ZNF155: variants seen among roughly 807,000 people sequenced by gnomAD.
ZNF155 encodes the protein zinc finger protein 155, also known as KRAB A domain.
In ZNF155, 15 loss-of-function variants were observed where a neutral mutation model predicts 11.9. The observed-to-expected ratio is 1.26, with a 90% CI of 0.84 to 1.94. The LOEUF (loss-of-function observed/expected upper bound fraction) is 1.94, where lower values mean the gene tolerates loss of function less well. Ranked by LOEUF, ZNF155 falls within the 30% of genes most tolerant of loss-of-function variation. The pLI is 0.00. For synonymous variants in ZNF155, 212 were observed against 219.9 expected, an observed-to-expected ratio of 0.96 and a Z score of 0.32; for missense variants, 602 against 639.1, an observed-to-expected ratio of 0.94 and a Z score of 0.63.
chr19:43,995,114 T>G (rs1444496283), intron 4 of ZNF155, among the ~76,000 whole-genome samples: 1 of 151,950 alleles, frequency 6.6e-6, no homozygotes, highest in Non-Finnish European at 1.5e-5. Context: ...TTAACTTTTT[T>G]TTTTTTTTTG....
At chr19:43,989,114 T>C (rs1212378662) in intron 2 of ZNF155, 1 of 152,178 alleles carries the variant, frequency 6.6e-6, no homozygotes, top group Non-Finnish European at 1.5e-5. Flanking sequence ...TTTGAAAGGG[T>C]ACTTTTGATA....
chr19:43,984,197 TC>T lies in ZNF155; in HGVS notation c.-132del, dbSNP rs1215875286. 1 of 152,022 alleles carries T rather than the reference TC, an allele frequency of 6.6e-6. No homozygotes were observed. Among genetic ancestry groups the T allele is most frequent in the Non-Finnish European group, 1.5e-5 (1 of 68,030 alleles). 9.4% of individuals were successfully genotyped at this position (152,022 alleles called of 1,614,324 possible). On this transcript the variant is annotated 5_prime_UTR_variant, in exon 1 of 5. Coordinates refer to ENST00000270014, the MANE Select transcript of ZNF155 (RefSeq NM_198089.3). ...AGACGCCTGTGGCATCATCGACACT[TC>T]CGGTCTCCGAGCAGGACACTGCTAC...
At chr19:43,990,423 T>C (rs1975616853) in intron 2 of ZNF155, among the ~76,000 whole-genome samples, 1 of 152,232 alleles carries the variant, frequency 6.6e-6, no homozygotes, top group African/African-American at 2.4e-5. Flanking sequence ...CATTAAACAG[T>C]GGCACAGATG....
chr19:43,986,565 C>T (rs1036030082), intron 1 of ZNF155, among the ~76,000 whole-genome samples: 8 of 151,620 alleles, frequency 5.3e-5, no homozygotes, highest in South Asian at 2.1e-4. Context: ...TTCTCCTGCC[C>T]CAGCCTCCTG....
Position 43,996,910 on chromosome 19 carries a change from A to G in ZNF155, c.1053A>G (p.Lys351=), listed in dbSNP as rs1345013197. Residue 351 remains lysine, a synonymous_variant, in exon 5 of 5, where the codon AAA becomes AAG. Coordinates refer to ENST00000270014, the MANE Select transcript of ZNF155 (RefSeq NM_198089.3). The part of the protein sequence containing the change: ...EKPYRCEQCG[K]GFIGRLDFYK... ...CGTACAGATGTGAGCAGTGTGGAAA[A>G]GGCTTTATTGGTAGGCTAGATTTTT... is the stretch of plus-strand genomic sequence containing the variant. 1 of 1,613,818 alleles carries G rather than the reference A, an allele frequency of 6.2e-7. No individual in the cohort carries two copies. Among genetic ancestry groups the G allele is most frequent in the Non-Finnish European group, 8.5e-7 (1 of 1,179,968 alleles).
intron 2 of ZNF155, among the ~76,000 whole-genome samples, 171 bp from the exon 3 acceptor site, chr19:43,991,377 G>A (rs149158210): frequency 2.6e-5 from 4 of 152,296 alleles, no homozygotes; most frequent in African/African-American, 9.6e-5. Flanking sequence ...AGGAAAATCA[G>A]TATGTGTCAT....
intron 2 of ZNF155, chr19:43,990,021 C>A: frequency 6.8e-7 from 1 of 1,468,276 alleles, no homozygotes; most frequent in South Asian, 1.3e-5. Context: ...TTCCCCAAAT[C>A]AGATTACCAA....
At chr19:43,984,766 C>T (rs1260967205) in intron 1 of ZNF155, among the ~76,000 whole-genome samples, 1 of 152,168 alleles carries the variant, frequency 6.6e-6, no homozygotes, top group African/African-American at 2.4e-5. Context: ...GTCAGAGCTC[C>T]AGCTGCTCCG....
At position 43,997,350 on chromosome 19, in the gene ZNF155, A is replaced by AC. The variant is rs1422934244; in HGVS notation, c.1495dup (p.Arg499ProfsTer2). On this transcript the variant is annotated frameshift_variant, in exon 5 of 5. Transcript: ENST00000270014. LOFTEE classifies it low-confidence loss of function (END_TRUNC). ...GGAAAGAGGCTTGTACACAGGACATACCGTAAAGACCAGCCGAGAGACTAT... is the reference window on the plus strand; with the variant it reads ...GGAAAGAGGCTTGTACACAGGACATACCCGTAAAGACCAGCCGAGAGACTAT... The AC allele has an allele frequency of 1.2e-6, 2 of 1,613,892 alleles. No individual in the cohort carries two copies. The highest frequency in any genetic ancestry group is 1.7e-6 in the Non-Finnish European group (2 of 1,179,798).
At chr19:43,990,476 C>G (rs1258612012) in intron 2 of ZNF155, among the ~76,000 whole-genome samples, 1 of 152,132 alleles carries the variant, frequency 6.6e-6, no homozygotes, top group Admixed American at 6.5e-5. Flanking sequence ...CTTTAAAATA[C>G]TGTGCCAAAT....
rs112268738 is a variant in ZNF155, at chr19:43,994,842, C to T, written c.236-1251C>T. 9.7e-3 allele frequency among the ~76,000 whole-genome samples: 1,479 copies of T among 152,298 alleles called. 13 individuals are homozygous for T. The highest frequency in any genetic ancestry group is 0.027 in the Middle Eastern group (8 of 294). ...TGATTCCTAGGTGGTTAATCAGTCT[C>T]CTAGTCCACTAACTCTCTGTGACCT... On this transcript the variant is annotated intron_variant, in intron 4 of 4. Transcript: ENST00000270014.
rs777197778 is a variant in ZNF155 at position 43,996,524 on chromosome 19, CAG to C, written c.672_673del (p.Arg224SerfsTer11). Reference protein sequence around the residue: ...FSQSSHLQTHQRVHTGEKPFK... With the variant: ...FSQSSHLQTHXRVHTGEKPFK... ...TCAAAGCTCACATCTGCAAACTCAT[CAG>C]AGAGTCCACACTGGAGAGAAACCAT... is the stretch of plus-strand genomic sequence containing the variant. On this transcript the variant is annotated frameshift_variant, in exon 5 of 5. Transcript: ENST00000270014. LOFTEE classifies it low-confidence loss of function (END_TRUNC). 25 of 1,614,184 alleles carry C rather than the reference CAG, an allele frequency of 1.5e-5. No homozygotes were observed. The highest frequency in any genetic ancestry group is 2.2e-5 in the East Asian group (1 of 44,882).
intron 1 of ZNF155, among the ~76,000 whole-genome samples, chr19:43,986,219 G>A (rs546433707): frequency 6.6e-6 from 1 of 152,260 alleles, no homozygotes; most frequent in East Asian, 1.9e-4. Context: ...ATGTGAAGGT[G>A]CTAACTGTCT....
chr19:43,992,570 G>A (rs143070559), intron 4 of ZNF155, among the ~76,000 whole-genome samples: 1 of 152,276 alleles, frequency 6.6e-6, no homozygotes, highest in Non-Finnish European at 1.5e-5. Context: ...CATCTTCGAA[G>A]GCAGCTACTT....
chr19:43,992,140 G>A (rs1446698787), intron 4 of ZNF155, among the ~76,000 whole-genome samples: 1 of 152,150 alleles, frequency 6.6e-6, no homozygotes, highest in African/African-American at 2.4e-5. Flanking sequence ...AAGTCAGATT[G>A]TCATTCCTCT....
Position 43,993,149 on chromosome 19 carries a change from G to A in ZNF155, c.235+1215G>A, listed in dbSNP as rs113248183. On this transcript the variant is annotated intron_variant, in intron 4 of 4. Coordinates refer to ENST00000270014, the MANE Select transcript of ZNF155 (RefSeq NM_198089.3). ...CTAGAAGGGGGAAGAATGAGGATGA[G>A]GGGACACAAGTCATGTAGCTGAACA... Among the ~76,000 whole-genome samples the A allele has an allele frequency of 9.8e-3, 1,487 of 152,316 alleles. 13 individuals are homozygous for A. Among genetic ancestry groups the A allele is most frequent in the Middle Eastern group, 0.027 (8 of 294 alleles).
At chr19:43,990,060 T>A (rs1445403233) in intron 2 of ZNF155, 27 of 1,518,010 alleles carry the variant, frequency 1.8e-5, no homozygotes, top group Middle Eastern at 3.4e-4. Context: ...AACCTGCTCT[T>A]GGTCATGATA....
rs1401919271 is a variant in ZNF155 at position 43,996,288 on chromosome 19, G to A, written c.431G>A (p.Gly144Glu). ...VEAGLPTIHT[G>E]QKPSQGGKCK... is the part of the protein sequence containing the mutation. ...GCAGGACTACCCACAATTCATACAG[G>A]ACAGAAACCTTCCCAGGGTGGGAAG... Residue 144 changes from glycine (G) to glutamate (E), a missense_variant, in exon 5 of 5, where the codon GGA (glycine) becomes GAA (glutamate). By Grantham distance (98) the Gly-to-Glu change is moderately conservative. Transcript: ENST00000270014. The A allele has an allele frequency of 2.5e-6, 4 of 1,614,158 alleles. No homozygotes were observed. The highest frequency in any genetic ancestry group is 3.4e-6 in the Non-Finnish European group (4 of 1,180,008).
intron 2 of ZNF155, among the ~76,000 whole-genome samples, chr19:43,990,477 T>C (rs1240479807): frequency 6.6e-6 from 1 of 152,218 alleles, no homozygotes; most frequent in Non-Finnish European, 1.5e-5. Context: ...TTTAAAATAC[T>C]GTGCCAAATA....
Sources: gnomAD v4.1 joint callset for allele counts (sites outside exome capture counted in the v4.1 genomes callset) on GRCh38, gnomAD v4.1.1 for gene constraint, MANE v1.5 for transcripts, NCBI Gene and HGNC (gene_info 2026-07-23, HGNC 2026-07-21) for gene names.